Variants in CBLN2 observed in about 807,000 individuals in gnomAD.
CBLN2 encodes the protein cerebellin-2.
A neutral mutation model predicts 15.0 loss-of-function variants in CBLN2; 7 were observed. That is an observed-to-expected ratio of 0.47 (90% confidence interval 0.27 to 0.88). The LOEUF is 0.88. CBLN2 is among the 40% of genes least tolerant of loss of function. The pLI, the probability that CBLN2 is intolerant of heterozygous loss-of-function variation, is 0.14. For synonymous variants in CBLN2, 149 were observed against 135.2 expected (o/e 1.10, Z -0.71); for missense variants, 242 against 304.5 (o/e 0.79, Z 1.53).
At chr18:72,542,739 G>C (rs115110580) in intron 2 of CBLN2, among the ~76,000 whole-genome samples, 3 of 152,080 alleles carry the variant, frequency 2.0e-5, no homozygotes, top group Non-Finnish European at 4.4e-5. Flanking sequence ...CAGCACCAAG[G>C]AACCCTTTTC....
intron 1 of CBLN2, among the ~76,000 whole-genome samples, chr18:72,587,634 T>C (rs2069452643): frequency 6.6e-6 from 1 of 152,188 alleles, no homozygotes; most frequent in Non-Finnish European, 1.5e-5. Flanking sequence ...ACTCTTTCTG[T>C]TTGACTTCAA....
chr18:72,611,065 C>T (rs1018690829), intron 1 of CBLN2, among the ~76,000 whole-genome samples: 5 of 152,124 alleles, frequency 3.3e-5, no homozygotes, highest in African/African-American at 9.7e-5. Context: ...CTGCAAAGAA[C>T]ATTATTTCAT....
At chr18:72,619,093 G>C (rs772096043) in intron 1 of CBLN2, 8 of 748,310 alleles carry the variant, frequency 1.1e-5, no homozygotes, top group Non-Finnish European at 7.3e-6. Context: ...CCCATGAAGA[G>C]AGTAAATTTT....
intron 1 of CBLN2, among the ~76,000 whole-genome samples, chr18:72,600,169 G>A (rs547528878): frequency 9.2e-5 from 14 of 152,120 alleles, no homozygotes; most frequent in Admixed American, 4.6e-4. Flanking sequence ...TCTTCCTATT[G>A]CTACAATAGA....
At chr18:72,638,376 G>T (rs1206209825) in exon 1 of CBLN2, 3 of 398,398 alleles carry the variant, frequency 7.5e-6, no homozygotes, top group East Asian at 3.6e-5. Context: ...TGTCCCAGCA[G>T]ATCTGAAGAA....
intron 1 of CBLN2, among the ~76,000 whole-genome samples, chr18:72,625,755 GAA>G (rs1277486773): frequency 5.3e-5 from 6 of 114,026 alleles, no homozygotes; most frequent in Non-Finnish European, 1.1e-4. Flanking sequence ...ACCAAATGCT[GAA>G]GAGTATATAT....
At chr18:72,582,359 G>A (rs1238667179) in intron 1 of CBLN2, among the ~76,000 whole-genome samples, 1 of 152,168 alleles carries the variant, frequency 6.6e-6, no homozygotes, top group African/African-American at 2.4e-5. Flanking sequence ...ACAGTATGGA[G>A]TTTGTAGGAA....
intron 1 of CBLN2, among the ~76,000 whole-genome samples, chr18:72,616,098 T>C (rs915124888): frequency 5.9e-5 from 9 of 152,192 alleles, no homozygotes; most frequent in Admixed American, 4.6e-4. Context: ...CCGAGTCTTA[T>C]GTTCCTGGAA....
intron 1 of CBLN2, among the ~76,000 whole-genome samples, chr18:72,614,810 A>G (rs1023445524): frequency 6.6e-6 from 1 of 151,656 alleles, no homozygotes; most frequent in Non-Finnish European, 1.5e-5. Flanking sequence ...TAAAATATAC[A>G]CTCACCAAGC....
In CBLN2 at chr18:72,556,586, C is replaced by T. The variant is rs77662377; in HGVS notation, c.16-17814G>A. On this transcript the variant is annotated intron_variant, in intron 1 of 2. Coordinates refer to the CBLN2 transcript ENST00000581073. ...GAGGTGGTAATTGCTCAGCATAAAA[C>T]AGTCCTTTCCTGTCTCTATTTCTGC... Among the ~76,000 whole-genome samples, 361 of 152,336 alleles carry T rather than the reference C, an allele frequency of 2.4e-3. 2 individuals carry two copies. Among genetic ancestry groups the T allele is most frequent in the African/African-American group, 8.2e-3 (342 of 41,584 alleles).
At chr18:72,587,941 T>C (rs2069454290) in intron 1 of CBLN2, among the ~76,000 whole-genome samples, 1 of 152,182 alleles carries the variant, frequency 6.6e-6, no homozygotes, top group Non-Finnish European at 1.5e-5. Context: ...ATTTATAGGG[T>C]CCCTGAACAT....
chr18:72,605,878 C>A (rs184674667), intron 1 of CBLN2, among the ~76,000 whole-genome samples: 2 of 152,360 alleles, frequency 1.3e-5, no homozygotes, highest in African/African-American at 4.8e-5. Flanking sequence ...TCAGTGCACA[C>A]ACAGAATAAT....
intron 1 of CBLN2, among the ~76,000 whole-genome samples, chr18:72,580,637 T>A (rs1281981665): frequency 2.0e-5 from 3 of 152,222 alleles, no homozygotes; most frequent in Non-Finnish European, 4.4e-5. Flanking sequence ...TTAAACATGA[T>A]GCTTTTGAAT....
chr18:72,635,766 T>A (rs1027535683), intron 1 of CBLN2, among the ~76,000 whole-genome samples: 1 of 152,118 alleles, frequency 6.6e-6, no homozygotes, highest in African/African-American at 2.4e-5. Flanking sequence ...AAAAAATGAA[T>A]TCATTAGGTT....
At chr18:72,575,173 C>T (rs1485605409) in intron 1 of CBLN2, among the ~76,000 whole-genome samples, 3 of 152,090 alleles carry the variant, frequency 2.0e-5, no homozygotes, top group Non-Finnish European at 2.9e-5. Context: ...AAGTGGTGGT[C>T]GGAGAATGTG....
chr18:72,636,038 G>T (rs970045194), intron 1 of CBLN2, among the ~76,000 whole-genome samples: 1 of 152,022 alleles, frequency 6.6e-6, no homozygotes, highest in Admixed American at 6.6e-5. Context: ...CAGTGAAAAA[G>T]AAAAATCACC....
At chr18:72,636,670 T>C (rs536192806) in intron 1 of CBLN2, among the ~76,000 whole-genome samples, 3 of 152,226 alleles carry the variant, frequency 2.0e-5, no homozygotes, top group African/African-American at 7.2e-5. Context: ...CACCCAACTC[T>C]GGCTTTATAT....
chr18:72,579,778 T>C (rs1015224988), intron 1 of CBLN2, among the ~76,000 whole-genome samples: 1 of 151,844 alleles, frequency 6.6e-6, no homozygotes, highest in East Asian at 1.9e-4. Flanking sequence ...AACAAAAAAC[T>C]AGTCATAAAA....
intron 1 of CBLN2, among the ~76,000 whole-genome samples, chr18:72,582,024 C>T (rs946362024): frequency 6.6e-6 from 1 of 152,122 alleles, no homozygotes; most frequent in Non-Finnish European, 1.5e-5. Context: ...TCCACTGCTT[C>T]GATGTGACAT....
Sources: gnomAD v4.1 joint callset for allele counts (sites outside exome capture counted in the v4.1 genomes callset) on GRCh38, gnomAD v4.1.1 for gene constraint, MANE v1.5 for transcripts, NCBI Gene and HGNC (gene_info 2026-07-23, HGNC 2026-07-21) for gene names.